The following NKAIN2 variants were observed in gnomAD, a reference collection of about 807,000 sequenced individuals.
NKAIN2 encodes sodium/potassium-transporting ATPase subunit beta-1-interacting protein 2.
NKAIN2 carries 14 observed loss-of-function variants against 32.6 expected under a neutral mutation model. The observed-to-expected ratio is 0.43, with a 90% CI of 0.28 to 0.67. The LOEUF (loss-of-function observed/expected upper bound fraction) is 0.67, where lower values mean the gene tolerates loss of function less well. Ranked by LOEUF, NKAIN2 falls within the 30% of genes least tolerant of loss-of-function variation. NKAIN2 has a pLI of 0.17. For synonymous variants in NKAIN2, 80 were observed against 87.2 expected (o/e 0.92, Z 0.46); for missense variants, 198 against 258.3 (o/e 0.77, Z 1.60).
intron 1 of NKAIN2, among the ~76,000 whole-genome samples, chr6:123,998,597 G>A (rs1394848182): frequency 6.6e-6 from 1 of 151,918 alleles, no homozygotes; most frequent in East Asian, 1.9e-4. Context: ...CAAGAATATT[G>A]GCTATTGTGA....
chr6:124,539,214 T>C (rs111309450), intron 3 of NKAIN2, among the ~76,000 whole-genome samples: 5 of 152,088 alleles, frequency 3.3e-5, no homozygotes, highest in Non-Finnish European at 7.4e-5. Context: ...AGAGGTTATA[T>C]GTAGTTCACT....
At chr6:124,784,769 A>C (rs1181450067) in intron 4 of NKAIN2, among the ~76,000 whole-genome samples, 1 of 151,964 alleles carries the variant, frequency 6.6e-6, no homozygotes, top group Admixed American at 6.6e-5. Context: ...CAATTGCTGG[A>C]TCATATGGTA....
At chr6:124,509,969 A>C (rs1455622431) in intron 3 of NKAIN2, among the ~76,000 whole-genome samples, 1 of 152,206 alleles carries the variant, frequency 6.6e-6, no homozygotes, top group Non-Finnish European at 1.5e-5. Flanking sequence ...AATATTATCT[A>C]ACTGCTTACA....
intron 1 of NKAIN2, among the ~76,000 whole-genome samples, chr6:123,874,797 A>T (rs1773091215): frequency 6.6e-6 from 1 of 152,104 alleles, no homozygotes; most frequent in Non-Finnish European, 1.5e-5. Flanking sequence ...GTCATAAAGA[A>T]GAAAATAAAA....
chr6:124,301,103 A>C (rs1796275019), intron 2 of NKAIN2, among the ~76,000 whole-genome samples: 2 of 152,082 alleles, frequency 1.3e-5, no homozygotes. Context: ...TTCCTGGCCC[A>C]GTCCAGGGCC....
At chr6:124,549,679 T>G (rs1780219722) in intron 3 of NKAIN2, among the ~76,000 whole-genome samples, 1 of 152,218 alleles carries the variant, frequency 6.6e-6, no homozygotes, top group African/African-American at 2.4e-5. Context: ...CAGTCTTTCC[T>G]TGCTTTTCAA....
chr6:124,027,823 G>C (rs1158257621), intron 1 of NKAIN2, among the ~76,000 whole-genome samples: 1 of 151,820 alleles, frequency 6.6e-6, no homozygotes, highest in Admixed American at 6.6e-5. Flanking sequence ...TCATTCTACT[G>C]GTCTTATATC....
chr6:124,639,087 T>C (rs1236306242), intron 3 of NKAIN2, among the ~76,000 whole-genome samples: 1 of 152,026 alleles, frequency 6.6e-6, no homozygotes, highest in Admixed American at 6.6e-5. Flanking sequence ...AAGTAAATGC[T>C]GGTGAGGATT....
At chr6:124,262,898 G>C (rs1304905392) in intron 1 of NKAIN2, among the ~76,000 whole-genome samples, 1 of 152,144 alleles carries the variant, frequency 6.6e-6, no homozygotes, top group East Asian at 1.9e-4. Flanking sequence ...CCATGACCTT[G>C]AGCAACTTAG....
chr6:124,444,208 A>C (rs1775801253), intron 3 of NKAIN2, among the ~76,000 whole-genome samples: 1 of 152,078 alleles, frequency 6.6e-6, no homozygotes, highest in Non-Finnish European at 1.5e-5. Flanking sequence ...TATGGAATGT[A>C]CTAGAATTTG....
chr6:124,249,773 G>A (rs908366636), intron 1 of NKAIN2, among the ~76,000 whole-genome samples: 5 of 152,046 alleles, frequency 3.3e-5, no homozygotes, highest in Admixed American at 2.6e-4. Context: ...TTTGAAGGCT[G>A]CCTGAAGCAC....
chr6:123,915,084 AG>A (rs756212260), intron 1 of NKAIN2, among the ~76,000 whole-genome samples: 43 of 152,304 alleles, frequency 2.8e-4, no homozygotes, highest in Middle Eastern at 3.4e-3. Flanking sequence ...CTTCTCGAAG[AG>A]GTGTCCAGCT....
At chr6:124,603,069 C>A (rs1456259500) in intron 3 of NKAIN2, among the ~76,000 whole-genome samples, 1 of 151,890 alleles carries the variant, frequency 6.6e-6, no homozygotes, top group African/African-American at 2.4e-5. Flanking sequence ...ATATGTGCTA[C>A]ATTATTTCAC....
At chr6:124,006,629 C>T (rs944548604) in intron 1 of NKAIN2, among the ~76,000 whole-genome samples, 18 of 152,102 alleles carry the variant, frequency 1.2e-4, no homozygotes, top group Admixed American at 3.3e-4. Flanking sequence ...AGAGTTATGC[C>T]CTTAGTGCCT....
In NKAIN2 at chr6:124,330,495, G is replaced by A. The variant is rs114632228; in HGVS notation, c.193-24772G>A. Among the ~76,000 whole-genome samples, 1,223 of 152,236 alleles carry A rather than the reference G, an allele frequency of 8.0e-3. 20 individuals are homozygous for A. Among genetic ancestry groups the A allele is most frequent in the African/African-American group, 0.028 (1,153 of 41,532 alleles). On this transcript the variant is annotated intron_variant, in intron 2 of 6. Coordinates refer to ENST00000368417, the MANE Select transcript of NKAIN2 (RefSeq NM_001040214.3). The stretch of plus-strand genomic sequence containing the variant: ...ATGTCCAGAATTGAGACAAGGACCT[G>A]GTAGCCTTGTACCTCCACATCAACC...
At chr6:123,908,777 A>G (rs997806458) in intron 1 of NKAIN2, among the ~76,000 whole-genome samples, 4 of 152,302 alleles carry the variant, frequency 2.6e-5, no homozygotes, top group African/African-American at 9.6e-5. Flanking sequence ...TTTTTGGAAA[A>G]AATAATCTTG....
chr6:124,257,121 C>CA (rs1793987713), intron 1 of NKAIN2, among the ~76,000 whole-genome samples: 1 of 151,356 alleles, frequency 6.6e-6, no homozygotes, highest in African/African-American at 2.4e-5. Flanking sequence ...ACTGGTCATA[C>CA]AAAAAAACCA....
rs1028830884 is a variant in NKAIN2 at position 124,588,847 on chromosome 6, T to C, written c.274-69339T>C. Among the ~76,000 whole-genome samples, 8 of 152,312 alleles carry C rather than the reference T, an allele frequency of 5.3e-5. No homozygotes were observed. The East Asian group carries it at 1.5e-3, about 29-fold the overall frequency. The stretch of plus-strand genomic sequence containing the variant: ...ATGTTATTTCTGTGGTTTAGTCTGT[T>C]TGTGCAACCTCTGGAAAATATTTTC... On this transcript the variant is annotated intron_variant, in intron 3 of 6. Coordinates refer to ENST00000368417, the MANE Select transcript of NKAIN2 (RefSeq NM_001040214.3).
intron 1 of NKAIN2, among the ~76,000 whole-genome samples, chr6:123,955,196 CAA>C (rs5879708): frequency 1.5e-3 from 155 of 105,006 alleles, no homozygotes; most frequent in African/African-American, 3.2e-3. Flanking sequence ...ACAGAAAAAC[CAA>C]AAAAAAAAAA....
Sources: allele counts gnomAD v4.1 joint callset (sites outside exome capture counted in the v4.1 genomes callset), GRCh38; gene constraint gnomAD v4.1.1; transcripts MANE v1.5; gene names NCBI Gene and HGNC (gene_info 2026-07-23, HGNC 2026-07-21).